Variants in AGBL4 observed in about 807,000 individuals in gnomAD.
AGBL4 encodes cytosolic carboxypeptidase 6.
Under a neutral mutation model 66.4 loss-of-function variants are expected in AGBL4, and 58 were observed. The ratio of observed to expected loss-of-function variants is 0.87; its 90% CI spans 0.71 to 1.09. The LOEUF (loss-of-function observed/expected upper bound fraction) is 1.09. Among genes scored for constraint, AGBL4 ranks in the 50% least tolerant of loss-of-function variants. The probability of loss-of-function intolerance (pLI) is 0.00; values close to 1 mark genes in which losing one functional copy is unlikely to be tolerated. For synonymous variants in AGBL4, 234 were observed against 222.9 expected (o/e 1.05, Z -0.44); for missense variants, 579 against 631.0 (o/e 0.92, Z 0.88).
intron 3 of AGBL4, among the ~76,000 whole-genome samples, chr1:49,290,363 G>T (rs1220784193): frequency 6.6e-6 from 1 of 152,158 alleles, no homozygotes; most frequent in Non-Finnish European, 1.5e-5. Context: ...TCTCATTTTA[G>T]ATGACAGGAG....
intron 3 of AGBL4, among the ~76,000 whole-genome samples, chr1:49,534,525 T>A (rs559331428): frequency 3.9e-5 from 6 of 152,318 alleles, no homozygotes; most frequent in African/African-American, 1.4e-4. Context: ...TGTTTGCAAG[T>A]AGCACATGAC....
intron 3 of AGBL4, among the ~76,000 whole-genome samples, chr1:49,579,384 T>C (rs528450186): frequency 1.3e-5 from 2 of 152,302 alleles, no homozygotes; most frequent in East Asian, 3.9e-4. Context: ...TGCAGATACT[T>C]GGTATGATTT....
intron 3 of AGBL4, among the ~76,000 whole-genome samples, chr1:49,503,747 A>G (rs1648416123): frequency 6.6e-6 from 1 of 152,098 alleles, no homozygotes; most frequent in African/African-American, 2.4e-5. Flanking sequence ...TGTTTAGGCC[A>G]ATTTCTCTCA....
intron 3 of AGBL4, among the ~76,000 whole-genome samples, chr1:49,321,764 C>T (rs1645136335): frequency 6.6e-6 from 1 of 152,208 alleles, no homozygotes; most frequent in Non-Finnish European, 1.5e-5. Context: ...CTATTACTCA[C>T]TATACCGAGT....
chr1:49,794,571 A>C (rs1183165864), intron 2 of AGBL4, among the ~76,000 whole-genome samples: 1 of 151,912 alleles, frequency 6.6e-6, no homozygotes, highest in Admixed American at 6.6e-5. Context: ...ATTAACTGCC[A>C]CAAGTATTGA....
chr1:49,466,289 CAGA>C (rs1646629977), intron 3 of AGBL4, among the ~76,000 whole-genome samples: 1 of 151,844 alleles, frequency 6.6e-6, no homozygotes, highest in African/African-American at 2.4e-5. Context: ...ATAGGCAGTA[CAGA>C]AAACAGAAAG....
At chr1:49,888,681 C>A (rs532203610) in intron 1 of AGBL4, among the ~76,000 whole-genome samples, 1 of 152,190 alleles carries the variant, frequency 6.6e-6, no homozygotes, top group Non-Finnish European at 1.5e-5. Flanking sequence ...GATTTCAGCT[C>A]AATAGATGAA....
intron 2 of AGBL4, among the ~76,000 whole-genome samples, chr1:49,818,003 T>C (rs1031599762): frequency 6.6e-6 from 1 of 152,110 alleles, no homozygotes; most frequent in Non-Finnish European, 1.5e-5. Flanking sequence ...CAGGAGAAAA[T>C]ATAAAACTTA....
At chr1:49,044,775 A>G (rs1644036253) in intron 5 of AGBL4, among the ~76,000 whole-genome samples, 1 of 152,166 alleles carries the variant, frequency 6.6e-6, no homozygotes, top group African/African-American at 2.4e-5. Context: ...GATAGCTCTC[A>G]AGATGGAAGG....
intron 3 of AGBL4, among the ~76,000 whole-genome samples, chr1:49,339,390 G>A (rs927184542): frequency 2.0e-5 from 3 of 152,094 alleles, no homozygotes; most frequent in African/African-American, 4.8e-5. Flanking sequence ...AATGTTTTTC[G>A]TGGATGGTGG....
intron 3 of AGBL4, among the ~76,000 whole-genome samples, chr1:49,635,088 G>T (rs1335668275): frequency 4.6e-5 from 7 of 152,146 alleles, no homozygotes; most frequent in Non-Finnish European, 7.4e-5. Context: ...AAGAAAATCA[G>T]CAAAGCTTTG....
At chr1:49,992,371 CAA>C (rs34311728) in intron 1 of AGBL4, among the ~76,000 whole-genome samples, 68 of 86,806 alleles carry the variant, frequency 7.8e-4, no homozygotes, top group East Asian at 3.1e-3. Context: ...GACTCCGTCT[CAA>C]AAAAAAAAAA....
intron 1 of AGBL4, among the ~76,000 whole-genome samples, chr1:50,011,885 C>T (rs1052391591): frequency 3.9e-5 from 6 of 152,124 alleles, no homozygotes; most frequent in Non-Finnish European, 5.9e-5. Context: ...ACCGGCCGGG[C>T]GCGATGGCTC....
At chr1:49,787,016 T>C (rs1344856262) in intron 2 of AGBL4, among the ~76,000 whole-genome samples, 1 of 152,200 alleles carries the variant, frequency 6.6e-6, no homozygotes, top group Non-Finnish European at 1.5e-5. Context: ...TTTGTTTCTA[T>C]AGTTCCTTCA....
chr1:49,552,006 C>T (rs1266582659), intron 3 of AGBL4, among the ~76,000 whole-genome samples: 1 of 152,064 alleles, frequency 6.6e-6, no homozygotes, highest in African/African-American at 2.4e-5. Context: ...GTTCCCAGGT[C>T]GATGGAGTTA....
chr1:48,709,586 T>TTATTATTATTAC (rs1646932345), intron 6 of AGBL4, among the ~76,000 whole-genome samples: 1 of 120,336 alleles, frequency 8.3e-6, no homozygotes, highest in African/African-American at 3.6e-5. Flanking sequence ...TTGCCAGGCA[T>TTATTATTATTAC]TATTATTATT....
chr1:49,536,057 A>C (rs1268821780), intron 3 of AGBL4, among the ~76,000 whole-genome samples: 1 of 152,206 alleles, frequency 6.6e-6, no homozygotes, highest in Non-Finnish European at 1.5e-5. Context: ...AGTTGTTACT[A>C]GTTTTCTATT....
intron 5 of AGBL4, among the ~76,000 whole-genome samples, chr1:49,017,179 G>A (rs1662885682): frequency 6.6e-6 from 1 of 152,190 alleles, no homozygotes; most frequent in Admixed American, 6.5e-5. Flanking sequence ...ATGCACGCAT[G>A]TACTAGTATG....
At chr1:49,954,075 G>C (rs1316430356) in intron 1 of AGBL4, among the ~76,000 whole-genome samples, 3 of 151,162 alleles carry the variant, frequency 2.0e-5, no homozygotes, top group African/African-American at 7.3e-5. Context: ...TCTTTTTTTT[G>C]GTAGACACAA....
Sources: allele counts gnomAD v4.1 joint callset (sites outside exome capture counted in the v4.1 genomes callset), GRCh38; gene constraint gnomAD v4.1.1; transcripts MANE v1.5; gene names NCBI Gene and HGNC (gene_info 2026-07-23, HGNC 2026-07-21).